Variants in GALNT8 observed in about 807,000 individuals in gnomAD.
GALNT8 encodes polypeptide N-acetylgalactosaminyltransferase 8, also known as probable polypeptide N-acetylgalactosaminyltransferase 8.
GALNT8 carries 66 observed loss-of-function variants against 62.7 expected under a neutral mutation model. The observed-to-expected ratio is 1.05, with a 90% CI of 0.86 to 1.29. The LOEUF (loss-of-function observed/expected upper bound fraction) is 1.29. GALNT8 is among the 50% of genes most tolerant of loss of function. GALNT8 has a pLI of 0.00. For synonymous variants in GALNT8, 288 were observed against 294.3 expected, an observed-to-expected ratio of 0.98 and a Z score of 0.22; for missense variants, 771 against 791.8, an observed-to-expected ratio of 0.97 and a Z score of 0.32.
In GALNT8 at chr12:4,760,975, G is replaced by A. The variant is rs1276578564; in HGVS notation, c.1191G>A (p.Gly397=). The change falls in exon 7 of 11, where the codon GGG becomes GGA. Residue 397 remains glycine (G), a synonymous_variant. Coordinates refer to ENST00000252318, the MANE Select transcript of GALNT8 (RefSeq NM_017417.2). ...TTCTGCAGGTGTGGCAGTGTGGAGG[G>A]AAGGTCGAGATTTTGCCCTGTTCCC... ...ELSLRVWQCG[G]KVEILPCSRI... is the part of the protein sequence containing the mutation. 2 of 1,613,924 alleles carry A rather than the reference G, an allele frequency of 1.2e-6. No homozygotes were observed. Among genetic ancestry groups the A allele is most frequent in the Non-Finnish European group, 1.7e-6 (2 of 1,179,986 alleles).
chr12:4,772,400 A>T, intron 10 of GALNT8, 45 bp from the exon 11 acceptor site: 1 of 1,566,872 alleles, frequency 6.4e-7, no homozygotes, highest in South Asian at 1.1e-5. Flanking sequence ...ATGATGAATT[A>T]CTGAGGCATT....
chr12:4,770,981 A>C (rs1237040581), intron 10 of GALNT8, among the ~76,000 whole-genome samples: 1 of 152,064 alleles, frequency 6.6e-6, no homozygotes, highest in African/African-American at 2.4e-5. Flanking sequence ...CAGGGAACAG[A>C]GGGGGGCTGC....
At chr12:4,762,473 G>A (rs1209886125) in intron 7 of GALNT8, among the ~76,000 whole-genome samples, 1 of 152,110 alleles carries the variant, frequency 6.6e-6, no homozygotes, top group Non-Finnish European at 1.5e-5. Context: ...CCAAATCTTG[G>A]TATTAGAGTA....
chr12:4,751,845 G>T (rs1197552906), intron 6 of GALNT8, among the ~76,000 whole-genome samples: 1 of 152,086 alleles, frequency 6.6e-6, no homozygotes, highest in Non-Finnish European at 1.5e-5. Context: ...GCTGAAAATA[G>T]GATGTTAAAG....
intron 2 of GALNT8, among the ~76,000 whole-genome samples, chr12:4,738,148 G>C (rs923603114): frequency 1.3e-5 from 2 of 152,186 alleles, no homozygotes; most frequent in African/African-American, 4.8e-5. Flanking sequence ...TTCTTGACAA[G>C]GGTGCTAAGA....
chr12:4,748,484 T>C (rs533036470), intron 6 of GALNT8, among the ~76,000 whole-genome samples: 18 of 152,294 alleles, frequency 1.2e-4, no homozygotes, highest in Admixed American at 1.2e-3. Context: ...GACTGTCTTT[T>C]CCCCAGTGTG....
intron 8 of GALNT8, 129 bp downstream of exon 8, chr12:4,763,519 C>T (rs1946382473): frequency 1.4e-6 from 1 of 717,238 alleles, no homozygotes; most frequent in Non-Finnish European, 2.4e-6. Flanking sequence ...CAGCTCTTCG[C>T]CCTCAACCCT....
chr12:4,728,549 G>A (rs575522008), intron 2 of GALNT8, among the ~76,000 whole-genome samples: 2 of 152,152 alleles, frequency 1.3e-5, no homozygotes, highest in South Asian at 4.2e-4. Flanking sequence ...AATGTGACAA[G>A]GAGGGTCCAA....
chr12:4,732,276 T>C (rs978620094), intron 2 of GALNT8, among the ~76,000 whole-genome samples: 4 of 152,274 alleles, frequency 2.6e-5, no homozygotes, highest in Non-Finnish European at 5.9e-5. Flanking sequence ...CACATAGAAC[T>C]TACCTTATGT....
intron 6 of GALNT8, among the ~76,000 whole-genome samples, chr12:4,751,520 G>A (rs184284474): frequency 3.6e-4 from 55 of 152,104 alleles, no homozygotes; most frequent in African/African-American, 1.2e-3. Flanking sequence ...TGACTCACTG[G>A]TCATTCAGGA....
In GALNT8 at chr12:4,763,841, T is replaced by C. The variant is rs1946385051; in HGVS notation, c.1498-111T>C. On this transcript the variant is annotated intron_variant, in intron 8 of 10. Coordinates refer to ENST00000252318, the MANE Select transcript of GALNT8 (RefSeq NM_017417.2). ...ATCCCAGCCCTCTGCTCCTTGTGGC[T>C]GGTCGTTCCTGGTGTCCTCGGTGTG... The C allele has an allele frequency of 1.0e-5, 7 of 698,828 alleles. No individual in the cohort carries two copies. The Admixed American group carries it at 1.2e-4, about 12-fold the overall frequency. 43.3% of individuals were successfully genotyped at this position (698,828 alleles called of 1,614,324 possible).
At chr12:4,733,616 A>G (rs1946230256) in intron 2 of GALNT8, among the ~76,000 whole-genome samples, 1 of 152,240 alleles carries the variant, frequency 6.6e-6, no homozygotes. Context: ...ATACAGATTT[A>G]TTGTATAACC....
At position 4,720,812 on chromosome 12, in the gene GALNT8, T is replaced by C. The variant is rs1480453734; in HGVS notation, c.135T>C (p.Leu45=). Residue 45 remains leucine (L), a synonymous_variant, in exon 1 of 11, where the codon CTT becomes CTC. Coordinates refer to ENST00000252318, the MANE Select transcript of GALNT8 (RefSeq NM_017417.2). ...TTACGGGTGGTCTCCACAGGGAGCT[T>C]CCTTTACATCTGAATAAACGCTACG... ...NLFTGGLHRE[L]PLHLNKRYGA... The C allele has an allele frequency of 6.2e-7, 1 of 1,612,044 alleles. No individual in the cohort carries two copies. Among genetic ancestry groups the C allele is most frequent in the African/African-American group, 1.3e-5 (1 of 74,982 alleles).
intron 2 of GALNT8, 105 bp from the exon 3 acceptor site, chr12:4,739,058 G>A (rs1591567119): frequency 8.2e-6 from 5 of 612,390 alleles, no homozygotes; most frequent in African/African-American, 7.3e-5. Flanking sequence ...TTGAGGGGTG[G>A]ATGAATTGGT....
intron 6 of GALNT8, among the ~76,000 whole-genome samples, chr12:4,751,449 G>A (rs1161425944): frequency 6.6e-6 from 1 of 152,072 alleles, no homozygotes; most frequent in African/African-American, 2.4e-5. Flanking sequence ...GTTTTGGTAT[G>A]TTGTGTTTCC....
rs1946179731 is a variant in GALNT8 at position 4,723,378 on chromosome 12, G to A, written c.211+2490G>A. 3.9e-5 allele frequency among the ~76,000 whole-genome samples: 6 copies of A among 152,302 alleles called. No individual in the cohort carries two copies. In the South Asian group the frequency reaches 1.2e-3, roughly 32 times the overall value. The stretch of plus-strand genomic sequence containing the variant: ...AATATGCTTGGTGCAGCTTCACCAG[G>A]AGGATGCCTGTGTACCTAGGGTGGT... On this transcript the variant is annotated intron_variant, in intron 1 of 10. Coordinates refer to ENST00000252318, the MANE Select transcript of GALNT8 (RefSeq NM_017417.2).
rs1388314136 is a variant in GALNT8 at position 4,765,494 on chromosome 12, C to G, written c.1709C>G (p.Pro570Arg). ...PGKAEKPTLE[P>R]CSKAAKNRLH... ...AAGGCGGAGAAGCCCACCTTAGAAC[C>G]ATGCTCCAAGGCAGCTAAGAATAGA... The change falls in exon 10 of 11, where the codon CCA (proline) becomes CGA (arginine). Residue 570 changes from proline (P) to arginine (R), a missense_variant. Transcript: ENST00000252318. 6.2e-7 allele frequency: 1 copy of G among 1,612,266 alleles called. No individual in the cohort carries two copies. Among genetic ancestry groups the G allele is most frequent in the Admixed American group, 1.7e-5 (1 of 59,956 alleles).
chr12:4,745,509 C>T lies in GALNT8; in HGVS notation c.941C>T (p.Thr314Ile). The stretch of plus-strand genomic sequence containing the variant: ...GTGTTTGACAACATTCGTTTTGACA[C>T]CTTCAAACTGGATAAGTATGAACTG... ...SPVFDNIRFD[T>I]FKLDKYELAV... Residue 314 changes from threonine to isoleucine, a missense_variant, in exon 5 of 11, where the codon ACC (threonine) becomes ATC (isoleucine). By Grantham distance (89) the Thr-to-Ile change is moderately conservative. Coordinates refer to ENST00000252318, the MANE Select transcript of GALNT8 (RefSeq NM_017417.2). 2 of 1,611,798 alleles carry T rather than the reference C, an allele frequency of 1.2e-6. No individual in the cohort carries two copies. Among genetic ancestry groups the T allele is most frequent in the Non-Finnish European group, 1.7e-6 (2 of 1,177,852 alleles).
At chr12:4,744,291 G>C (rs2286579) in intron 3 of GALNT8, among the ~76,000 whole-genome samples, 20,150 of 152,198 alleles carry the variant, frequency 0.13, 1,520 homozygotes, top group Middle Eastern at 0.2. Context: ...TTTTAAGATA[G>C]TTTAACTGTC....
Sources: allele counts gnomAD v4.1 joint callset (sites outside exome capture counted in the v4.1 genomes callset), GRCh38; gene constraint gnomAD v4.1.1; transcripts MANE v1.5; gene names NCBI Gene and HGNC (gene_info 2026-07-23, HGNC 2026-07-21).